Variants in TRAPPC10 observed in about 807,000 individuals in gnomAD.
TRAPPC10 encodes the protein TRAPP 130 kDa subunit.
A neutral mutation model predicts 125.5 loss-of-function variants in TRAPPC10; 23 were observed. The ratio of observed to expected loss-of-function variants is 0.18; its 90% confidence interval spans 0.13 to 0.26. The LOEUF (loss-of-function observed/expected upper bound fraction) is 0.26, where lower values mean the gene tolerates loss of function less well. Ranked by LOEUF, TRAPPC10 falls within the 10% of genes least tolerant of loss-of-function variation. The pLI is 1.00. For missense variants in TRAPPC10, 1,123 were observed against 1,308.4 expected, an observed-to-expected ratio of 0.86 and a Z score of 2.19; for synonymous variants, 509 against 518.0, an observed-to-expected ratio of 0.98 and a Z score of 0.24.
chr21:44,065,050 G>A (rs2036337539), intron 7 of TRAPPC10, among the ~76,000 whole-genome samples: 1 of 152,156 alleles, frequency 6.6e-6, no homozygotes, highest in Non-Finnish European at 1.5e-5. Context: ...CTGTTCATGT[G>A]TACCTAGGGA....
chr21:44,014,853 A>C (rs1270922874), intron 1 of TRAPPC10, among the ~76,000 whole-genome samples: 1 of 152,184 alleles, frequency 6.6e-6, no homozygotes, highest in Admixed American at 6.5e-5. Context: ...TAACTTGAAA[A>C]ATGATCACTT....
intron 10 of TRAPPC10, 22 bp downstream of exon 10, chr21:44,076,650 ATGTCTGTTCTGTGAATACC>A: frequency 6.4e-7 from 1 of 1,573,538 alleles, no homozygotes; most frequent in South Asian, 1.1e-5. Flanking sequence ...CAAGTGTTCA[ATGTCTGTTCTGTGAATACC>A]TGTCTCTAGA....
At chr21:44,049,882 T>C (rs1339649646) in intron 3 of TRAPPC10, among the ~76,000 whole-genome samples, 3 of 146,452 alleles carry the variant, frequency 2.0e-5, no homozygotes, top group South Asian at 2.1e-4. Flanking sequence ...TTCTTTCTTT[T>C]TTTTTTGTTT....
intron 14 of TRAPPC10, among the ~76,000 whole-genome samples, chr21:44,083,733 T>A (rs922399339): frequency 1.3e-5 from 2 of 152,214 alleles, no homozygotes; most frequent in African/African-American, 4.8e-5. Context: ...AAGTTTTCTC[T>A]GACACAGGAT....
At chr21:44,045,676 TGA>T (rs1243231227) in intron 3 of TRAPPC10, among the ~76,000 whole-genome samples, 1 of 151,792 alleles carries the variant, frequency 6.6e-6, no homozygotes, top group Non-Finnish European at 1.5e-5. Flanking sequence ...CTCAGCCTCC[TGA>T]GTAGCTGGGA....
Position 44,063,549 on chromosome 21 carries a change from T to C in TRAPPC10, c.802T>C (p.Trp268Arg). The change falls in exon 7 of 23, where the codon TGG becomes CGG. Residue 268 changes from tryptophan (W) to arginine (R), a missense_variant. Trp to Arg is a moderately radical substitution (Grantham distance 101). Coordinates refer to ENST00000291574, the MANE Select transcript of TRAPPC10 (RefSeq NM_003274.5). This position sits in a 1 kb window ranked among gnomAD's most constrained non-coding sequence, Gnocchi z 4.4. ...GTGTGTTTGTTTAGATGGTGCCAAC[T>C]GGCTGACTTTTTTCTGCCAGCCAGT... Reference protein sequence around the residue: ...VNFGAGDGANWLTFFCQPVKS... With the variant: ...VNFGAGDGANRLTFFCQPVKS... The C allele has an allele frequency of 5.6e-6, 9 of 1,614,224 alleles. No individual in the cohort carries two copies. The highest frequency in any genetic ancestry group is 2.2e-5 in the East Asian group (1 of 44,890).
rs528612016 is a variant in TRAPPC10 at position 44,063,793 on chromosome 21, G to A, written c.1038+8G>A. On this transcript the variant is annotated splice_region_variant and intron_variant, in intron 7 of 22. Transcript: ENST00000291574. The surrounding 1 kb of genome is among the most constrained non-coding windows in gnomAD (Gnocchi z 4.4). ...GAACTGAAGCTCTTAGAAGTGAGTCGGCTGTTTTCCCAATTTACCCGTTTC... is the reference window on the plus strand; with the variant it reads ...GAACTGAAGCTCTTAGAAGTGAGTCAGCTGTTTTCCCAATTTACCCGTTTC... The A allele has an allele frequency of 1.0e-4, 162 of 1,607,238 alleles. No individual in the cohort carries two copies. Among genetic ancestry groups the A allele is most frequent in the Non-Finnish European group, 1.2e-4 (145 of 1,176,254 alleles).
chr21:44,060,211 C>T (rs1167890567), intron 6 of TRAPPC10: 1 of 151,266 alleles, frequency 6.6e-6, no homozygotes, highest in Non-Finnish European at 1.5e-5. Flanking sequence ...AGAACCAAAG[C>T]AAAGTGTTTA....
intron 1 of TRAPPC10, among the ~76,000 whole-genome samples, chr21:44,016,198 G>C (rs1230793974): frequency 1.3e-5 from 2 of 152,178 alleles, no homozygotes; most frequent in Non-Finnish European, 2.9e-5. Flanking sequence ...AAATCCAGCA[G>C]ATCCATTTGG....
At chr21:44,076,768 G>T in intron 10 of TRAPPC10, 140 bp downstream of exon 10, 1 of 625,760 alleles carries the variant, frequency 1.6e-6, no homozygotes, top group Non-Finnish European at 2.8e-6. Context: ...TTGGTACCTG[G>T]GGAGTTGTGG....
intron 1 of TRAPPC10, among the ~76,000 whole-genome samples, chr21:44,023,718 A>G (rs2147189277): frequency 6.6e-6 from 1 of 152,322 alleles, no homozygotes; most frequent in African/African-American, 2.4e-5. Context: ...AGTTGCTGTG[A>G]GGCCTTTTCA....
chr21:44,016,970 A>G (rs2031938561), intron 1 of TRAPPC10, among the ~76,000 whole-genome samples: 1 of 152,178 alleles, frequency 6.6e-6, no homozygotes, highest in African/African-American at 2.4e-5. Flanking sequence ...AAAGTTTTTA[A>G]ATTTGCACAT....
rs116549280 is a variant in TRAPPC10 at position 44,069,955 on chromosome 21, G to A, written c.1039-4369G>A. On this transcript the variant is annotated intron_variant, in intron 7 of 22. Coordinates refer to ENST00000291574, the MANE Select transcript of TRAPPC10 (RefSeq NM_003274.5). ...GTTTCCCAGGCTGGAGTGCAGTGGC[G>A]TGATCTTGGCTCACTGCAACCTCTG... 9.7e-3 allele frequency among the ~76,000 whole-genome samples: 1,478 copies of A among 151,834 alleles called. 15 individuals carry two copies. The highest frequency in any genetic ancestry group is 0.045 in the Middle Eastern group (13 of 292).
chr21:44,066,932 T>G (rs910252163), intron 7 of TRAPPC10, among the ~76,000 whole-genome samples: 1 of 152,230 alleles, frequency 6.6e-6, no homozygotes, highest in African/African-American at 2.4e-5. Context: ...AGTATGATAC[T>G]TATATATTTT....
chr21:44,076,469 C>G (rs2037292017), intron 9 of TRAPPC10, 83 bp from the exon 10 acceptor site: 2 of 1,078,898 alleles, frequency 1.9e-6, no homozygotes, highest in African/African-American at 1.6e-5. Flanking sequence ...GGTCATCTAC[C>G]TGCAGTATGT....
intron 1 of TRAPPC10, among the ~76,000 whole-genome samples, chr21:44,018,988 A>G (rs1247647451): frequency 6.6e-6 from 1 of 151,670 alleles, no homozygotes; most frequent in African/African-American, 2.4e-5. Flanking sequence ...TGACCCTCCC[A>G]CCCCCGTGCT....
In TRAPPC10 at chr21:44,094,032, T is replaced by C. The variant is rs777091481; in HGVS notation, c.2998-31T>C. 10 of 1,603,652 alleles carry C rather than the reference T, an allele frequency of 6.2e-6. No individual in the cohort carries two copies. The South Asian group carries it at 1.1e-4, about 18-fold the overall frequency. On this transcript the variant is annotated intron_variant, in intron 19 of 22. Transcript: ENST00000291574. ...TGTCCTCTTTGCGGTTATGGTGCTGTGTGAGCAGTGACCCCCAACTCTCTT... is the reference window on the plus strand; with the variant it reads ...TGTCCTCTTTGCGGTTATGGTGCTGCGTGAGCAGTGACCCCCAACTCTCTT...
intron 15 of TRAPPC10, 87 bp downstream of exon 15, chr21:44,084,350 T>A (rs909337405): frequency 1.7e-5 from 24 of 1,372,786 alleles, no homozygotes; most frequent in Non-Finnish European, 2.1e-5. Context: ...CTCATAAGTT[T>A]TAGCTGTGTC....
chr21:44,034,685 C>T (rs1371112872), intron 2 of TRAPPC10, among the ~76,000 whole-genome samples: 4 of 152,124 alleles, frequency 2.6e-5, no homozygotes, highest in African/African-American at 9.7e-5. Flanking sequence ...TAAGGGTCTT[C>T]GCAGATATGG....
Sources: gnomAD v4.1 joint callset for allele counts (sites outside exome capture counted in the v4.1 genomes callset) on GRCh38, gnomAD v4.1.1 for gene constraint, Gnocchi (gnomAD v3.1) non-coding constraint, MANE v1.5 for transcripts, NCBI Gene and HGNC (gene_info 2026-07-23, HGNC 2026-07-21) for gene names.